The following SZT2 variants were observed in gnomAD, a reference collection of about 807,000 sequenced individuals.
SZT2 encodes SZT2 subunit of KICSTOR complex.
Under a neutral mutation model 404.2 loss-of-function variants are expected in SZT2, and 216 were observed. The ratio of observed to expected loss-of-function variants is 0.53; its 90% CI spans 0.48 to 0.60. The LOEUF (loss-of-function observed/expected upper bound fraction) is 0.60, where lower values mean the gene tolerates loss of function less well. Among genes scored for constraint, SZT2 ranks in the 20% least tolerant of loss-of-function variants. The probability of loss-of-function intolerance (pLI) is 0.00; values close to 1 mark genes in which losing one functional copy is unlikely to be tolerated. For synonymous variants in SZT2, 1,693 were observed against 1,749.9 expected, an observed-to-expected ratio of 0.97 and a Z score of 0.81; for missense variants, 3,857 against 4,459.2, an observed-to-expected ratio of 0.86 and a Z score of 3.85.
Position 43,424,517 on chromosome 1 carries a change from C to T in SZT2, c.2471+85C>T, listed in dbSNP as rs1367258716. The stretch of plus-strand genomic sequence containing the variant: ...ACACTAGCAAAAAGCCTATAGCACA[C>T]ACTTCTCCTCTCTAATTCCCAGTCT... On this transcript the variant is annotated intron_variant, in intron 16 of 71. Transcript: ENST00000634258. This position sits in a 1 kb window ranked among gnomAD's most constrained non-coding sequence, Gnocchi z 4.1. 22 of 1,339,058 alleles carry T rather than the reference C, an allele frequency of 1.6e-5. No individual in the cohort carries two copies. Among genetic ancestry groups the T allele is most frequent in the African/African-American group, 2.9e-5 (2 of 69,368 alleles). 82.9% of individuals were successfully genotyped at this position (1,339,058 alleles called of 1,614,324 possible).
rs1250325177 is a variant in SZT2 at position 43,450,894 on chromosome 1, A to T, written c.*414A>T. 4.1e-6 allele frequency: 3 copies of T among 736,096 alleles called. No homozygotes were observed. The highest frequency in any genetic ancestry group is 7.5e-6 in the Non-Finnish European group (3 of 399,968). 45.6% of individuals were successfully genotyped at this position (736,096 alleles called of 1,614,324 possible). On this transcript the variant is annotated 3_prime_UTR_variant, in exon 72 of 72. Coordinates refer to ENST00000634258, the MANE Select transcript of SZT2 (RefSeq NM_001365999.1). This position sits in a 1 kb window ranked among gnomAD's most constrained non-coding sequence, Gnocchi z 4.3. Reference sequence around the variant, plus strand: ...TTGAGCCTTCGGGTCTTCACTTCCCACTTGGACATCACTGCTGGACATTCC... The same window carrying T: ...TTGAGCCTTCGGGTCTTCACTTCCCTCTTGGACATCACTGCTGGACATTCC...
chr1:43,391,043 G>C (rs1057323752), intron 1 of SZT2, among the ~76,000 whole-genome samples: 1 of 152,150 alleles, frequency 6.6e-6, no homozygotes, highest in Admixed American at 6.5e-5. Flanking sequence ...TAAGCCGGGC[G>C]CAGTGGCTTA....
At chr1:43,399,766 A>G (rs1166245977) in intron 1 of SZT2, among the ~76,000 whole-genome samples, 1 of 151,696 alleles carries the variant, frequency 6.6e-6, no homozygotes, top group Non-Finnish European at 1.5e-5. Context: ...CGGCCACCAG[A>G]GGGAATTTTT....
At position 43,425,336 on chromosome 1, in the gene SZT2, A is replaced by G; in HGVS notation, c.2645+129A>G. On this transcript the variant is annotated intron_variant, in intron 18 of 71. Coordinates refer to ENST00000634258, the MANE Select transcript of SZT2 (RefSeq NM_001365999.1). The surrounding 1 kb of genome is among the most constrained non-coding windows in gnomAD (Gnocchi z 4.3). ...GTCAGGGAGGGGGTGCGGTGTTTAG[A>G]TGCTTCATCAGGCAGACGCTGGTCT... 2 of 1,506,780 alleles carry G rather than the reference A, an allele frequency of 1.3e-6. No individual in the cohort carries two copies. The highest frequency in any genetic ancestry group is 1.2e-5 in the South Asian group (1 of 81,124). The allele number at this position is 1,506,780 out of a possible 1,614,324, so 93.3% of individuals were successfully genotyped here. A position where few individuals can be genotyped will look rare whatever the true frequency, so the allele number is the denominator to read the frequency against.
chr1:43,425,780 A>G lies in SZT2; in HGVS notation c.2815-55A>G. The G allele has an allele frequency of 6.3e-7, 1 of 1,597,926 alleles. No homozygotes were observed. ...GAAGCTTCCTGAAGAGCTGGAACCC[A>G]GGGTATCCTGGGCTAAGAGGGGTTG... On this transcript the variant is annotated intron_variant, in intron 19 of 71. Coordinates refer to ENST00000634258, the MANE Select transcript of SZT2 (RefSeq NM_001365999.1). This position sits in a 1 kb window ranked among gnomAD's most constrained non-coding sequence, Gnocchi z 4.3.
chr1:43,422,253 T>C, intron 12 of SZT2, 28 bp downstream of exon 12: 3 of 1,558,470 alleles, frequency 1.9e-6, no homozygotes, highest in South Asian at 2.3e-5. Context: ...TGGGCCATAG[T>C]TGGGGTGGAG....
At position 43,391,882 on chromosome 1, in the gene SZT2, C is replaced by CAAAA. The variant is rs1422110697; in HGVS notation, c.27+1887_27+1888insAAAA. ...GGATCACGAGGTCAGGAGATCGAGA[C>CAAAA]CATCCTGGCTAAAACGGTGAAACCC... is the stretch of plus-strand genomic sequence containing the variant. On this transcript the variant is annotated intron_variant, in intron 1 of 71. Coordinates refer to ENST00000634258, the MANE Select transcript of SZT2 (RefSeq NM_001365999.1). 6.1e-3 allele frequency among the ~76,000 whole-genome samples: 131 copies of CAAAA among 21,312 alleles called. 59 individuals carry two copies. The highest frequency in any genetic ancestry group is 7.5e-3 in the East Asian group (10 of 1,336). 14.0% of individuals were successfully genotyped at this position (21,312 alleles called of 152,430 possible). A position where few individuals can be genotyped will look rare whatever the true frequency, so the allele number is the denominator to read the frequency against.
Position 43,451,608 on chromosome 1 carries a change from G to T in SZT2, c.*1128G>T. ...TGCCAGGGCCTGAAGGACAGATGTG[G>T]GGATTGAAAGGGTGGGAGGGCAAAG... On this transcript the variant is annotated 3_prime_UTR_variant, in exon 72 of 72. Transcript: ENST00000634258. The T allele has an allele frequency of 6.2e-7, 1 of 1,614,012 alleles. No homozygotes were observed. Among genetic ancestry groups the T allele is most frequent in the Non-Finnish European group, 8.5e-7 (1 of 1,179,948 alleles).
Position 43,426,680 on chromosome 1 carries a change from C to T in SZT2, c.3215-35C>T, listed in dbSNP as rs770055130. On this transcript the variant is annotated intron_variant, in intron 22 of 71. Coordinates refer to ENST00000634258, the MANE Select transcript of SZT2 (RefSeq NM_001365999.1). This position sits in a 1 kb window ranked among gnomAD's most constrained non-coding sequence, Gnocchi z 4.9. Reference sequence around the variant, plus strand: ...CCAGAGTCCCGCCTCTCTGCTGGCCCTGCCCTCTTTCACCCATCTCTACCC... The same window carrying T: ...CCAGAGTCCCGCCTCTCTGCTGGCCTTGCCCTCTTTCACCCATCTCTACCC... The T allele has an allele frequency of 6.4e-7, 1 of 1,564,068 alleles. No individual in the cohort carries two copies. The highest frequency in any genetic ancestry group is 1.9e-5 in the Admixed American group (1 of 53,250).
intron 1 of SZT2, among the ~76,000 whole-genome samples, chr1:43,397,443 A>C (rs1649131249): frequency 6.6e-6 from 1 of 151,436 alleles, no homozygotes; most frequent in Non-Finnish European, 1.5e-5. Flanking sequence ...AAAAAAGAAA[A>C]GAAACAATAT....
chr1:43,431,975 A>G (rs1343434936), intron 36 of SZT2, 74 bp downstream of exon 36: 1 of 1,554,056 alleles, frequency 6.4e-7, no homozygotes, highest in Non-Finnish European at 8.8e-7. Context: ...CAGGACTGGA[A>G]GGCCCTCTGT....
At chr1:43,400,804 G>A (rs1349625175) in intron 1 of SZT2, among the ~76,000 whole-genome samples, 2 of 151,998 alleles carry the variant, frequency 1.3e-5, no homozygotes, top group Admixed American at 6.6e-5. Flanking sequence ...CCCAGGAGGC[G>A]GAGGTTGCAG....
chr1:43,423,012 G>A, intron 14 of SZT2, 87 bp from the exon 15 acceptor site: 2 of 1,506,680 alleles, frequency 1.3e-6, no homozygotes, highest in Admixed American at 2.0e-5. Context: ...CTGGAGAAGA[G>A]GGCTGTGTCT....
chr1:43,420,897 G>T lies in SZT2; in HGVS notation c.1410G>T (p.Leu470Phe). ...CGATGGAAGGCGGCTACGACATTTT[G>T]CATGATGTGTCCTGTGCACTAAGGC... The part of the protein sequence containing the change: ...EVTMEGGYDI[L>F]HDVSCALRQP... Residue 470 changes from leucine to phenylalanine, a missense_variant, in exon 10 of 72, where the codon TTG becomes TTT. Coordinates refer to ENST00000634258, the MANE Select transcript of SZT2 (RefSeq NM_001365999.1). This position sits in a 1 kb window ranked among gnomAD's most constrained non-coding sequence, Gnocchi z 5.1. The T allele has an allele frequency of 6.3e-7, 1 of 1,598,458 alleles. No individual in the cohort carries two copies. Among genetic ancestry groups the T allele is most frequent in the Non-Finnish European group, 8.5e-7 (1 of 1,179,812 alleles).
chr1:43,422,006 T>G, intron 11 of SZT2, 77 bp from the exon 12 acceptor site: 1 of 1,471,530 alleles, frequency 6.8e-7, no homozygotes, highest in Non-Finnish European at 9.2e-7. Flanking sequence ...AGTCCACCCA[T>G]GGTTTTGTTT....
Position 43,441,984 on chromosome 1 carries a change from T to A in SZT2, c.7743-16T>A. 3 of 1,607,284 alleles carry A rather than the reference T, an allele frequency of 1.9e-6. No homozygotes were observed. The highest frequency in any genetic ancestry group is 2.6e-6 in the Non-Finnish European group (3 of 1,175,832). The stretch of plus-strand genomic sequence containing the variant: ...GTGTCATGGATGGCCTTTCTGTCTG[T>A]CCTCCCTTTCAATAGGGGTTCAGAG... On this transcript the variant is annotated splice_polypyrimidine_tract_variant and intron_variant, in intron 55 of 71. Transcript: ENST00000634258. The surrounding 1 kb of genome is among the most constrained non-coding windows in gnomAD (Gnocchi z 4.8).
At chr1:43,434,899 A>G (rs1654303040) in intron 41 of SZT2, among the ~76,000 whole-genome samples, 1 of 152,262 alleles carries the variant, frequency 6.6e-6, no homozygotes, top group Admixed American at 6.5e-5. Context: ...AGCTGCTACG[A>G]AAGCATGTAA....
Position 43,438,951 on chromosome 1 carries a change from TC to T in SZT2, c.6654del (p.Ser2219GlnfsTer81). ...DVEFIQPPGS[L>X]PSEVLHLALP... ...CAGTTCATCCAGCCCCCTGGAAGTC[TC>T]CCCTCAGAGGTGCTGCATCTGGCCC... On this transcript the variant is annotated frameshift_variant, in exon 48 of 72. Coordinates refer to ENST00000634258, the MANE Select transcript of SZT2 (RefSeq NM_001365999.1). LOFTEE classifies it high-confidence loss of function. 6.2e-7 allele frequency: 1 copy of T among 1,614,148 alleles called. No individual in the cohort carries two copies. Among genetic ancestry groups the T allele is most frequent in the Non-Finnish European group, 8.5e-7 (1 of 1,180,020 alleles).
At chr1:43,447,213 C>T (rs199503224) in intron 66 of SZT2, 45 bp downstream of exon 66, 1,389 of 1,565,308 alleles carry the variant, frequency 8.9e-4, no homozygotes, top group Non-Finnish European at 1.1e-3. Flanking sequence ...AAGAACAGGC[C>T]ACAGGTGCCT....
Sources: gnomAD v4.1 joint callset for allele counts (sites outside exome capture counted in the v4.1 genomes callset) on GRCh38, gnomAD v4.1.1 for gene constraint, Gnocchi (gnomAD v3.1) non-coding constraint, MANE v1.5 for transcripts, NCBI Gene and HGNC (gene_info 2026-07-23, HGNC 2026-07-21) for gene names.